The following CELF2 variants were observed in gnomAD, a reference collection of about 807,000 sequenced individuals.
The protein encoded by CELF2 is CUG triplet repeat RNA-binding protein 2.
A neutral mutation model predicts 62.6 loss-of-function variants in CELF2; 8 were observed. The observed-to-expected ratio is 0.13, with a 90% CI of 0.07 to 0.23. CELF2 has a LOEUF of 0.23. CELF2 is among the 10% of genes least tolerant of loss of function. The pLI is 1.00. For synonymous variants in CELF2, 258 were observed against 250.0 expected, an observed-to-expected ratio of 1.03 and a Z score of -0.30; for missense variants, 333 against 671.0, an observed-to-expected ratio of 0.50 and a Z score of 5.56.
At chr10:11,123,201 CACA>C (rs2131544163) in intron 1 of CELF2, among the ~76,000 whole-genome samples, 1 of 152,200 alleles carries the variant, frequency 6.6e-6, no homozygotes, top group Admixed American at 6.5e-5. Flanking sequence ...TGCTTACAAG[CACA>C]CTGTTTGGAG....
chr10:11,302,054 A>G lies in CELF2; in HGVS notation c.977-12085A>G, dbSNP rs936831993. ...ATTCTCATAGTTTCTAGGGAAACGG[A>G]CAAGCAAATCCCTGCTCTTCAACCG... On this transcript the variant is annotated intron_variant, in intron 9 of 12. Transcript: ENST00000633077. The surrounding 1 kb of genome is among the most constrained non-coding windows in gnomAD (Gnocchi z 5.0). Among the ~76,000 whole-genome samples the G allele has an allele frequency of 1.3e-5, 2 of 152,300 alleles. No homozygotes were observed. Among genetic ancestry groups the G allele is most frequent in the South Asian group, 4.1e-4 (2 of 4,828 alleles).
At chr10:11,212,372 G>A (rs1466005067) in intron 2 of CELF2, among the ~76,000 whole-genome samples, 1 of 152,108 alleles carries the variant, frequency 6.6e-6, no homozygotes, top group East Asian at 1.9e-4. Flanking sequence ...AATGCTCTGT[G>A]CCCCTGGACC....
chr10:10,600,047 A>G, the CELF2 span, among the ~76,000 whole-genome samples: 2 of 151,990 alleles, frequency 1.3e-5, no homozygotes, highest in East Asian at 1.9e-4. Flanking sequence ...CCATTTCTTT[A>G]TATGTCTTAA....
chr10:10,657,856 G>T, the CELF2 span, among the ~76,000 whole-genome samples: 1 of 152,058 alleles, frequency 6.6e-6, no homozygotes, highest in South Asian at 2.1e-4. Context: ...TATTTCATAA[G>T]CAAATAATAA....
the CELF2 span, among the ~76,000 whole-genome samples, chr10:10,527,732 G>T: frequency 2.0e-5 from 3 of 152,128 alleles, no homozygotes; most frequent in African/African-American, 4.8e-5. Flanking sequence ...TTCTTTATGC[G>T]GAAGAAAATA....
intron 2 of CELF2, among the ~76,000 whole-genome samples, chr10:10,980,232 C>T (rs1404164281): frequency 6.6e-6 from 1 of 152,206 alleles, no homozygotes; most frequent in African/African-American, 2.4e-5. Context: ...CTGTCTTCCG[C>T]ATCTCTGCTG....
the CELF2 span, among the ~76,000 whole-genome samples, chr10:10,727,564 C>T: frequency 1.5e-4 from 23 of 152,048 alleles, no homozygotes; most frequent in East Asian, 3.9e-3. Context: ...ATCATGAGGT[C>T]GGGAGATCGA....
chr10:11,065,869 G>A (rs1293405989), intron 1 of CELF2, among the ~76,000 whole-genome samples: 4 of 152,250 alleles, frequency 2.6e-5, no homozygotes, highest in Non-Finnish European at 5.9e-5. Flanking sequence ...GTTTTAAATA[G>A]GGTATCAGGG....
chr10:10,601,724 TC>T, the CELF2 span, among the ~76,000 whole-genome samples: 4 of 151,872 alleles, frequency 2.6e-5, no homozygotes, highest in Admixed American at 6.6e-5. Flanking sequence ...TTGGGTTCAT[TC>T]TTTTTTTTTT....
chr10:10,670,610 G>T, the CELF2 span, among the ~76,000 whole-genome samples: 1 of 152,076 alleles, frequency 6.6e-6, no homozygotes, highest in Non-Finnish European at 1.5e-5. Context: ...TTATCAACCA[G>T]AGTTTGTAGT....
chr10:10,591,130 A>G, the CELF2 span, among the ~76,000 whole-genome samples: 1 of 152,220 alleles, frequency 6.6e-6, no homozygotes, highest in Admixed American at 6.5e-5. Flanking sequence ...TTCGTCATCT[A>G]TGTTAAGACA....
intron 2 of CELF2, among the ~76,000 whole-genome samples, chr10:11,199,684 T>C (rs1380364425): frequency 2.6e-5 from 4 of 152,230 alleles, no homozygotes; most frequent in Non-Finnish European, 4.4e-5. Context: ...CCATCAATAT[T>C]TTAAAAGCTG....
chr10:10,796,379 T>C (rs7094161), upstream of CELF2, among the ~76,000 whole-genome samples: 3,946 of 152,338 alleles, frequency 0.026, 171 homozygotes, highest in African/African-American at 0.09. Flanking sequence ...TTGGGCTTGG[T>C]ACAAGATTTT....
chr10:10,802,917 C>A (rs1384114854), intron 1 of CELF2, among the ~76,000 whole-genome samples: 2 of 152,186 alleles, frequency 1.3e-5, no homozygotes, highest in African/African-American at 4.8e-5. Context: ...TAATGTCCCC[C>A]CAAGAACTCA....
At chr10:10,495,824 T>C in the CELF2 span, among the ~76,000 whole-genome samples, 4 of 152,294 alleles carry the variant, frequency 2.6e-5, no homozygotes, top group Middle Eastern at 3.4e-3. Flanking sequence ...CTGATGGTCA[T>C]ACTCTCTGAG....
the CELF2 span, among the ~76,000 whole-genome samples, chr10:10,582,283 C>T: frequency 3.3e-5 from 5 of 152,088 alleles, no homozygotes; most frequent in African/African-American, 1.2e-4. Context: ...TTTAAATGTT[C>T]TTTTTCAAAA....
chr10:10,975,813 T>C (rs2051270055), intron 2 of CELF2, among the ~76,000 whole-genome samples: 1 of 152,214 alleles, frequency 6.6e-6, no homozygotes, highest in South Asian at 2.1e-4. Flanking sequence ...GCCAGTGGTG[T>C]GAGAGAGCAA....
At chr10:10,790,210 T>C in the CELF2 span, among the ~76,000 whole-genome samples, 1 of 152,150 alleles carries the variant, frequency 6.6e-6, no homozygotes, top group Non-Finnish European at 1.5e-5. Flanking sequence ...AAATCGTCTA[T>C]TAGTTTTTAT....
At chr10:11,298,257 TG>T (rs1391441107) in intron 9 of CELF2, among the ~76,000 whole-genome samples, 1 of 152,180 alleles carries the variant, frequency 6.6e-6, no homozygotes, top group Non-Finnish European at 1.5e-5. Flanking sequence ...CATCTCCCCC[TG>T]GGAGGAGCCC....
Sources: gnomAD v4.1 joint callset for allele counts (sites outside exome capture counted in the v4.1 genomes callset) on GRCh38, gnomAD v4.1.1 for gene constraint, Gnocchi (gnomAD v3.1) non-coding constraint, MANE v1.5 for transcripts, NCBI Gene and HGNC (gene_info 2026-07-23, HGNC 2026-07-21) for gene names.